Variants in TAFA4 observed in about 807,000 individuals in gnomAD.
The protein encoded by TAFA4 is TAFA chemokine like family member 4, also known as chemokine-like protein TAFA-4.
A neutral mutation model predicts 21.1 loss-of-function variants in TAFA4; 20 were observed. The ratio of observed to expected loss-of-function variants is 0.95; its 90% CI spans 0.67 to 1.38. The LOEUF (loss-of-function observed/expected upper bound fraction) is 1.38. TAFA4 is among the 40% of genes most tolerant of loss of function. The pLI is 0.00. For missense variants in TAFA4, 211 were observed against 180.9 expected (o/e 1.17, Z -0.95); for synonymous variants, 71 against 67.4 (o/e 1.05, Z -0.26).
chr3:68,821,973 T>C (rs1183469710), intron 3 of TAFA4, among the ~76,000 whole-genome samples: 1 of 152,176 alleles, frequency 6.6e-6, no homozygotes, highest in African/African-American at 2.4e-5. Flanking sequence ...GTAGAAAATC[T>C]CTACCGGTAT....
chr3:68,825,606 G>C (rs1436506619), intron 3 of TAFA4, among the ~76,000 whole-genome samples: 2 of 151,842 alleles, frequency 1.3e-5, no homozygotes, highest in African/African-American at 2.4e-5. Context: ...CACATTTCAG[G>C]ATAGGGAGAA....
intron 4 of TAFA4, among the ~76,000 whole-genome samples, chr3:68,749,820 C>G (rs1702528299): frequency 6.6e-6 from 1 of 152,164 alleles, no homozygotes; most frequent in African/African-American, 2.4e-5. Flanking sequence ...AGCTTTAAGC[C>G]ACAAGTCCCT....
chr3:68,768,423 G>A (rs780688153), intron 3 of TAFA4, among the ~76,000 whole-genome samples: 12 of 152,112 alleles, frequency 7.9e-5, no homozygotes, highest in Non-Finnish European at 1.3e-4. Flanking sequence ...CAGTTAGAAT[G>A]CCTATTATCA....
chr3:68,783,671 C>G (rs4855512), intron 3 of TAFA4, among the ~76,000 whole-genome samples: 26,402 of 92,552 alleles, frequency 0.29, 4,427 homozygotes, highest in South Asian at 0.38. Context: ...GACACACACA[C>G]ACAGAGAGAG....
chr3:68,863,319 C>T (rs1299364754), intron 3 of TAFA4, among the ~76,000 whole-genome samples: 6 of 152,006 alleles, frequency 3.9e-5, no homozygotes, highest in Admixed American at 1.3e-4. Flanking sequence ...TCTTAAACAC[C>T]GATTTCAAAA....
At chr3:68,828,905 C>T (rs1704314791) in intron 3 of TAFA4, among the ~76,000 whole-genome samples, 1 of 152,148 alleles carries the variant, frequency 6.6e-6, no homozygotes, top group African/African-American at 2.4e-5. Context: ...CCAGAACCTC[C>T]AATACTATGT....
At chr3:68,870,338 G>GA (rs1319710927) in intron 3 of TAFA4, among the ~76,000 whole-genome samples, 1 of 151,816 alleles carries the variant, frequency 6.6e-6, no homozygotes, top group Non-Finnish European at 1.5e-5. Flanking sequence ...CACAAAACTT[G>GA]AAAAAACAAT....
At chr3:68,882,609 T>A (rs2089631191) in intron 2 of TAFA4, among the ~76,000 whole-genome samples, 2 of 152,202 alleles carry the variant, frequency 1.3e-5, no homozygotes, top group South Asian at 4.1e-4. Context: ...AATAGATTGA[T>A]AGCTGATATT....
intron 3 of TAFA4, among the ~76,000 whole-genome samples, chr3:68,847,253 T>C (rs1488051569): frequency 6.6e-6 from 1 of 152,228 alleles, no homozygotes; most frequent in Non-Finnish European, 1.5e-5. Context: ...CTGCTTACAG[T>C]GGCTTTTCTG....
chr3:68,740,019 G>C (rs979277534), intron 4 of TAFA4, among the ~76,000 whole-genome samples: 1 of 152,196 alleles, frequency 6.6e-6, no homozygotes, highest in African/African-American at 2.4e-5. Context: ...CTGCCCAATT[G>C]TAAAATATAG....
chr3:68,850,869 A>G (rs1437154910), intron 3 of TAFA4, among the ~76,000 whole-genome samples: 1 of 152,032 alleles, frequency 6.6e-6, no homozygotes, highest in East Asian at 1.9e-4. Flanking sequence ...TTTTCTGTGC[A>G]GGAGCTTTTT....
At chr3:68,782,725 C>T (rs573600522) in intron 3 of TAFA4, among the ~76,000 whole-genome samples, 2 of 152,142 alleles carry the variant, frequency 1.3e-5, no homozygotes, top group East Asian at 1.9e-4. Flanking sequence ...AACTAGTGAT[C>T]GCCAGGGCTA....
intron 1 of TAFA4, among the ~76,000 whole-genome samples, chr3:68,917,097 C>T (rs908250658): frequency 1.3e-5 from 2 of 152,112 alleles, no homozygotes; most frequent in African/African-American, 4.8e-5. Context: ...GATGGACCAC[C>T]AACAATTAAA....
chr3:68,825,526 C>A lies in TAFA4; in HGVS notation c.130+55204G>T, dbSNP rs554877400. ...CAGTTTCTTTAATGGCTTTCTGGGG[C>A]CTTCACTAGAGTGTGTGCAGTCACT... On this transcript the variant is annotated intron_variant, in intron 3 of 5. Transcript: ENST00000295569. Among the ~76,000 whole-genome samples the A allele has an allele frequency of 1.7e-4, 26 of 152,274 alleles. 1 individual carries two copies. The South Asian group carries it at 5.0e-3, about 29-fold the overall frequency.
chr3:68,833,705 C>T (rs1704454202), intron 3 of TAFA4, among the ~76,000 whole-genome samples: 1 of 152,156 alleles, frequency 6.6e-6, no homozygotes, highest in African/African-American at 2.4e-5. Flanking sequence ...TCTTAACTGA[C>T]ATCCACTCTT....
intron 3 of TAFA4, among the ~76,000 whole-genome samples, chr3:68,804,905 T>C (rs1227763837): frequency 6.6e-6 from 1 of 152,210 alleles, no homozygotes; most frequent in African/African-American, 2.4e-5. Flanking sequence ...AAGGACTTCA[T>C]GTCTAAACCA....
At chr3:68,751,926 A>C (rs1001270795) in intron 4 of TAFA4, among the ~76,000 whole-genome samples, 2 of 152,280 alleles carry the variant, frequency 1.3e-5, no homozygotes, top group East Asian at 1.9e-4. Context: ...GAAAATTTCC[A>C]CTTTCACTTT....
intron 3 of TAFA4, among the ~76,000 whole-genome samples, chr3:68,784,414 T>C (rs1402220376): frequency 6.6e-6 from 1 of 152,128 alleles, no homozygotes; most frequent in African/African-American, 2.4e-5. Flanking sequence ...TGGAGTTTCT[T>C]CCTTCTGGTG....
intron 3 of TAFA4, among the ~76,000 whole-genome samples, chr3:68,762,573 T>C (rs1702775959): frequency 6.6e-6 from 1 of 152,222 alleles, no homozygotes; most frequent in Admixed American, 6.5e-5. Flanking sequence ...GGTATGGTTT[T>C]TGCTATGCAC....
Sources: allele counts gnomAD v4.1 joint callset (sites outside exome capture counted in the v4.1 genomes callset), GRCh38; gene constraint gnomAD v4.1.1; transcripts MANE v1.5; gene names NCBI Gene and HGNC (gene_info 2026-07-23, HGNC 2026-07-21).